Variants in FHIT observed in about 807,000 individuals in gnomAD.
FHIT encodes bis(5'-adenosyl)-triphosphatase.
FHIT carries 19 observed loss-of-function variants against 17.9 expected under a neutral mutation model. The observed-to-expected ratio is 1.06, with a 90% CI of 0.74 to 1.56. The LOEUF is 1.56. FHIT is among the 40% of genes most tolerant of loss of function. The pLI, the probability that FHIT is intolerant of heterozygous loss-of-function variation, is 0.00. For missense variants in FHIT, 248 were observed against 189.2 expected, an observed-to-expected ratio of 1.31 and a Z score of -1.82; for synonymous variants, 81 against 69.7, an observed-to-expected ratio of 1.16 and a Z score of -0.81.
intron 4 of FHIT, among the ~76,000 whole-genome samples, chr3:60,801,699 AG>A (rs1553732350): frequency 6.6e-6 from 1 of 152,204 alleles, no homozygotes; most frequent in East Asian, 1.9e-4. Context: ...TATTTTTCTC[AG>A]GGTCCCTGAC....
chr3:61,224,364 G>A (rs548359683), intron 1 of FHIT, among the ~76,000 whole-genome samples: 67 of 152,202 alleles, frequency 4.4e-4, no homozygotes, highest in African/African-American at 1.6e-3. Context: ...TTCAAGCTGT[G>A]GCTCTGACTA....
intron 2 of FHIT, among the ~76,000 whole-genome samples, chr3:61,139,320 A>G (rs2037007495): frequency 6.6e-6 from 1 of 152,108 alleles, no homozygotes; most frequent in South Asian, 2.1e-4. Context: ...TTGCAGTATA[A>G]TCTCTTTAAC....
At chr3:60,354,109 T>C (rs914631203) in intron 5 of FHIT, among the ~76,000 whole-genome samples, 1 of 152,106 alleles carries the variant, frequency 6.6e-6, no homozygotes, top group Non-Finnish European at 1.5e-5. Context: ...TACAATAGAC[T>C]CCTATGCTAT....
intron 3 of FHIT, among the ~76,000 whole-genome samples, chr3:60,848,306 T>C (rs1322122232): frequency 1.3e-5 from 2 of 152,198 alleles, no homozygotes; most frequent in Non-Finnish European, 2.9e-5. Flanking sequence ...TTAGAAACTA[T>C]TGAGAACTTT....
Position 59,983,324 on chromosome 3 carries a change from T to C in FHIT, c.279+28047A>G, listed in dbSNP as rs1312681481. 2.6e-5 allele frequency among the ~76,000 whole-genome samples: 4 copies of C among 152,154 alleles called. 1 individual carries two copies. The highest frequency in any genetic ancestry group is 5.9e-5 in the Non-Finnish European group (4 of 68,022). On this transcript the variant is annotated intron_variant, in intron 7 of 9. Transcript: ENST00000492590. ...CTCAGGAATGTTAAGGCAGAACCAG[T>C]ACAGTCCTACCTTCCTATTGGCAGT...
At chr3:60,471,904 C>A (rs897573662) in intron 5 of FHIT, among the ~76,000 whole-genome samples, 1 of 152,014 alleles carries the variant, frequency 6.6e-6, no homozygotes, top group African/African-American at 2.4e-5. Flanking sequence ...TGAACAGAGT[C>A]ATATTTCAAA....
chr3:61,239,010 A>G (rs778115149), intron 1 of FHIT, among the ~76,000 whole-genome samples: 6 of 152,348 alleles, frequency 3.9e-5, no homozygotes, highest in African/African-American at 9.6e-5. Context: ...CCTAGGGTCC[A>G]GAGAGTGTAT....
intron 4 of FHIT, among the ~76,000 whole-genome samples, chr3:60,586,040 G>A (rs1009584827): frequency 5.3e-5 from 8 of 151,840 alleles, no homozygotes; most frequent in Non-Finnish European, 4.4e-5. Context: ...AGTATCCCAC[G>A]AAGCACACTT....
chr3:59,775,188 C>G (rs1023141236), intron 8 of FHIT, among the ~76,000 whole-genome samples: 3 of 152,110 alleles, frequency 2.0e-5, no homozygotes, highest in Non-Finnish European at 4.4e-5. Context: ...CTATTCATCC[C>G]GATCAGGTCC....
At chr3:61,039,724 G>A (rs969174484) in intron 3 of FHIT, among the ~76,000 whole-genome samples, 1 of 152,112 alleles carries the variant, frequency 6.6e-6, no homozygotes, top group Non-Finnish European at 1.5e-5. Flanking sequence ...GTCTGCGGGG[G>A]TTAGCATTAG....
intron 5 of FHIT, among the ~76,000 whole-genome samples, chr3:60,036,403 C>T (rs910123668): frequency 1.3e-5 from 2 of 152,098 alleles, no homozygotes; most frequent in South Asian, 2.1e-4. Context: ...ATTGGAATTC[C>T]GTGTTTCCCA....
At chr3:60,930,534 C>T (rs1575709383) in intron 3 of FHIT, among the ~76,000 whole-genome samples, 1 of 152,008 alleles carries the variant, frequency 6.6e-6, no homozygotes, top group East Asian at 1.9e-4. Flanking sequence ...AACAAACAAC[C>T]CCATCAAAAA....
intron 5 of FHIT, among the ~76,000 whole-genome samples, chr3:60,441,214 G>A (rs757709516): frequency 5.3e-5 from 8 of 152,056 alleles, no homozygotes; most frequent in Non-Finnish European, 1.0e-4. Context: ...AATATTCGAT[G>A]AATCACTGAT....
intron 3 of FHIT, among the ~76,000 whole-genome samples, chr3:60,887,750 A>G (rs1378158899): frequency 1.3e-5 from 2 of 152,188 alleles, no homozygotes; most frequent in East Asian, 3.9e-4. Flanking sequence ...AATGTCAAGA[A>G]ATCAGTCACA....
intron 4 of FHIT, among the ~76,000 whole-genome samples, chr3:60,726,737 G>T (rs1394509179): frequency 2.6e-5 from 4 of 152,016 alleles, no homozygotes; most frequent in African/African-American, 9.7e-5. Flanking sequence ...TTAAACCAAG[G>T]CATATGAAGT....
intron 5 of FHIT, among the ~76,000 whole-genome samples, chr3:60,222,916 T>C (rs996218278): frequency 6.6e-6 from 1 of 152,094 alleles, no homozygotes; most frequent in East Asian, 1.9e-4. Flanking sequence ...CAAAAAGTAA[T>C]GGCAAAAACC....
intron 4 of FHIT, among the ~76,000 whole-genome samples, chr3:60,613,174 C>T (rs2038838456): frequency 6.6e-6 from 1 of 152,184 alleles, no homozygotes; most frequent in African/African-American, 2.4e-5. Flanking sequence ...CTTATGAACT[C>T]TCAAGGATAC....
At chr3:61,164,625 G>GT (rs1469830113) in intron 2 of FHIT, among the ~76,000 whole-genome samples, 1 of 36,166 alleles carries the variant, frequency 2.8e-5, no homozygotes, top group East Asian at 1.0e-3. Context: ...CAGAAATGTG[G>GT]TAAGAATTTT....
intron 4 of FHIT, among the ~76,000 whole-genome samples, chr3:60,753,580 C>G (rs2042512430): frequency 6.6e-6 from 1 of 152,314 alleles, no homozygotes; most frequent in Non-Finnish European, 1.5e-5. Flanking sequence ...CCATTCTTCT[C>G]TTGAAGGAAA....
Sources: allele counts gnomAD v4.1 joint callset (sites outside exome capture counted in the v4.1 genomes callset), GRCh38; gene constraint gnomAD v4.1.1; transcripts MANE v1.5; gene names NCBI Gene and HGNC (gene_info 2026-07-23, HGNC 2026-07-21).